The following SIX1 variants were observed in gnomAD, a reference collection of about 807,000 sequenced individuals.
SIX1 encodes the protein homeobox protein SIX1.
SIX1 carries 11 observed loss-of-function variants against 26.5 expected under a neutral mutation model. That is an observed-to-expected ratio of 0.41 (90% CI 0.26 to 0.69). The LOEUF (loss-of-function observed/expected upper bound fraction) is 0.69, where lower values mean the gene tolerates loss of function less well. Among genes scored for constraint, SIX1 ranks in the 30% least tolerant of loss-of-function variants. SIX1 has a pLI of 0.28. For synonymous variants in SIX1, 177 were observed against 166.2 expected, an observed-to-expected ratio of 1.06 and a Z score of -0.50; for missense variants, 333 against 365.9, an observed-to-expected ratio of 0.91 and a Z score of 0.73.
In SIX1 at chr14:60,648,407, C is replaced by T. The variant is rs886478378; in HGVS notation, c.560+223G>A. Among the ~76,000 whole-genome samples the T allele has an allele frequency of 1.3e-5, 2 of 152,240 alleles. No homozygotes were observed. The highest frequency in any genetic ancestry group is 2.9e-5 in the Non-Finnish European group (2 of 68,046). On this transcript the variant is annotated intron_variant, in intron 1 of 1. Coordinates refer to ENST00000645694, the MANE Select transcript of SIX1 (RefSeq NM_005982.4). The surrounding 1 kb of genome is among the most constrained non-coding windows in gnomAD (Gnocchi z 7.9). ...CCCGACACTCACATCCCAGAGAAAC[C>T]CACGCGCGGGTGCTCAAAGCAAATG...
At chr14:60,646,725 T>G in intron 1 of SIX1, 148 bp from the exon 2 acceptor site, 148 of 675,954 alleles carry the variant, frequency 2.2e-4, no homozygotes, top group Middle Eastern at 4.2e-4. Flanking sequence ...GGAGGAGCTC[T>G]ACCCTTCCAC....
chr14:60,646,238 G>T lies in SIX1; in HGVS notation c.*45C>A. The T allele has an allele frequency of 6.3e-7, 1 of 1,589,122 alleles. No individual in the cohort carries two copies. The highest frequency in any genetic ancestry group is 1.1e-5 in the South Asian group (1 of 89,778). ...TACAAGTGTCCCTAGTCGCTGCAGT[G>T]GTTGCTGCTCCAGGAATCCCTTCGA... On this transcript the variant is annotated 3_prime_UTR_variant, in exon 2 of 2. Transcript: ENST00000645694.
In SIX1 at chr14:60,647,767, G is replaced by A. The variant is rs1023584643; in HGVS notation, c.560+863C>T. 1.3e-5 allele frequency among the ~76,000 whole-genome samples: 2 copies of A among 152,246 alleles called. No individual in the cohort carries two copies. Among genetic ancestry groups the A allele is most frequent in the African/African-American group, 4.8e-5 (2 of 41,470 alleles). ...ACAGCCACCTCCCCACCGTCCTTCTGAATCTCTGTCCGAAACGCTATAGAG... is the reference window on the plus strand; with the variant it reads ...ACAGCCACCTCCCCACCGTCCTTCTAAATCTCTGTCCGAAACGCTATAGAG... On this transcript the variant is annotated intron_variant, in intron 1 of 1. Coordinates refer to ENST00000645694, the MANE Select transcript of SIX1 (RefSeq NM_005982.4). The surrounding 1 kb of genome is among the most constrained non-coding windows in gnomAD (Gnocchi z 5.1).
At position 60,645,963 on chromosome 14, in the gene SIX1, CG is replaced by C. The variant is rs1206089028; in HGVS notation, c.*319del. ...AAAAAAGAAAGGCTGCTGAAACAGG[CG>C]TATCAGTTGCCCAGAACTCAGACTG... On this transcript the variant is annotated 3_prime_UTR_variant, in exon 2 of 2. Coordinates refer to ENST00000645694, the MANE Select transcript of SIX1 (RefSeq NM_005982.4). The surrounding 1 kb of genome is among the most constrained non-coding windows in gnomAD (Gnocchi z 4.6). The C allele has an allele frequency of 1.1e-5, 2 of 183,636 alleles. No individual in the cohort carries two copies. Among genetic ancestry groups the C allele is most frequent in the Non-Finnish European group, 2.2e-5 (2 of 90,422 alleles). The allele number at this position is 183,636 out of a possible 1,614,324, so 11.4% of individuals were successfully genotyped here. A position where few individuals can be genotyped will look rare whatever the true frequency, so the allele number is the denominator to read the frequency against.
Position 60,649,278 on chromosome 14 carries a change from C to G in SIX1, c.-89G>C. 1 of 1,221,058 alleles carries G rather than the reference C, an allele frequency of 8.2e-7. No individual in the cohort carries two copies. The highest frequency in any genetic ancestry group is 1.3e-5 in the South Asian group (1 of 75,676). 75.6% of individuals were successfully genotyped at this position (1,221,058 alleles called of 1,614,324 possible). ...GGGGCGGCGGCCGCAGGGAGGGGGG[C>G]GCGGCTGTTCCTAACCTCCTCCTTA... On this transcript the variant is annotated 5_prime_UTR_variant, in exon 1 of 2. Coordinates refer to ENST00000645694, the MANE Select transcript of SIX1 (RefSeq NM_005982.4). This position sits in a 1 kb window ranked among gnomAD's most constrained non-coding sequence, Gnocchi z 5.1.
At position 60,646,210 on chromosome 14, in the gene SIX1, A is replaced by G. The variant is rs1894937368; in HGVS notation, c.*73T>C. On this transcript the variant is annotated 3_prime_UTR_variant, in exon 2 of 2. Coordinates refer to ENST00000645694, the MANE Select transcript of SIX1 (RefSeq NM_005982.4). The stretch of plus-strand genomic sequence containing the variant: ...AGCTGCAAAAATGTTCCTGATTTCT[A>G]TTTACAAGTGTCCCTAGTCGCTGCA... 2.1e-6 allele frequency: 3 copies of G among 1,436,826 alleles called. No individual in the cohort carries two copies. The highest frequency in any genetic ancestry group is 2.0e-5 in the Admixed American group (1 of 49,528). 89.0% of individuals were successfully genotyped at this position (1,436,826 alleles called of 1,614,324 possible). A position where few individuals can be genotyped will look rare whatever the true frequency, so the allele number is the denominator to read the frequency against.
rs1332382694 is a variant in SIX1, at chr14:60,649,437, G to A, written c.-248C>T. On this transcript the variant is annotated 5_prime_UTR_variant, in exon 1 of 2. Transcript: ENST00000645694. This position sits in a 1 kb window ranked among gnomAD's most constrained non-coding sequence, Gnocchi z 5.1. ...TAGCCTTTAAGGCCTTGCTGCCTCC[G>A]ACCTCCCGCCCGGTGGATGCTGCTA... The A allele has an allele frequency of 1.8e-5, 8 of 441,756 alleles. No individual in the cohort carries two copies. Among genetic ancestry groups the A allele is most frequent in the Non-Finnish European group, 2.8e-5 (7 of 249,942 alleles). The allele number at this position is 441,756 out of a possible 1,614,324, so 27.4% of individuals were successfully genotyped here. A position where few individuals can be genotyped will look rare whatever the true frequency, so the allele number is the denominator to read the frequency against.
At position 60,646,262 on chromosome 14, in the gene SIX1, G is replaced by C. The variant is rs1362945865; in HGVS notation, c.*21C>G. On this transcript the variant is annotated 3_prime_UTR_variant, in exon 2 of 2. Coordinates refer to ENST00000645694, the MANE Select transcript of SIX1 (RefSeq NM_005982.4). ...TGGTTGCTGCTCCAGGAATCCCTTCGAGGCCCCAGTCCCTCCCCACTTAGG... is the reference window on the plus strand; with the variant it reads ...TGGTTGCTGCTCCAGGAATCCCTTCCAGGCCCCAGTCCCTCCCCACTTAGG... The C allele has an allele frequency of 2.9e-5, 47 of 1,607,790 alleles. No homozygotes were observed. The highest frequency in any genetic ancestry group is 3.7e-5 in the Non-Finnish European group (44 of 1,176,718).
In SIX1 at chr14:60,644,765, G is replaced by A. The variant is rs547309317; in HGVS notation, c.*1518C>T. ...TCACTAATTTTAAAAGCTAAATACA[G>A]AAGATACATCATTTTGCCCCAGGCA... On this transcript the variant is annotated 3_prime_UTR_variant, in exon 2 of 2. Transcript: ENST00000645694. 6.6e-6 allele frequency: 1 copy of A among 152,274 alleles called. No homozygotes were observed. The highest frequency in any genetic ancestry group is 1.9e-4 in the East Asian group (1 of 5,186). The allele number at this position is 152,274 out of a possible 1,614,324, so 9.4% of individuals were successfully genotyped here. A position where few individuals can be genotyped will look rare whatever the true frequency, so the allele number is the denominator to read the frequency against.
At position 60,648,918 on chromosome 14, in the gene SIX1, T is replaced by A. The variant is rs1895005983; in HGVS notation, c.272A>T (p.His91Leu). The change falls in exon 1 of 2, where the codon CAT becomes CTT. Residue 91 changes from histidine to leucine, a missense_variant. Transcript: ENST00000645694. This position sits in a 1 kb window ranked among gnomAD's most constrained non-coding sequence, Gnocchi z 7.9. ...GCGCAGCTTCTCGGCCTCCACGTAA[T>A]GCGCCTTCAGCCACAGTTGCTGCAG... ...PKLQQLWLKA[H>L]YVEAEKLRGR... The A allele has an allele frequency of 6.2e-7, 1 of 1,614,076 alleles. No homozygotes were observed. The highest frequency in any genetic ancestry group is 1.3e-5 in the African/African-American group (1 of 74,950).
At position 60,646,175 on chromosome 14, in the gene SIX1, T is replaced by C; in HGVS notation, c.*108A>G. On this transcript the variant is annotated 3_prime_UTR_variant, in exon 2 of 2. Transcript: ENST00000645694. ...CACCATTCCTTTATGCGCAAACAAC[T>C]CCAGAAACAAGCTGCAAAAATGTTC... The C allele has an allele frequency of 9.2e-7, 1 of 1,091,598 alleles. No homozygotes were observed. Among genetic ancestry groups the C allele is most frequent in the Non-Finnish European group, 1.3e-6 (1 of 765,094 alleles). 67.6% of individuals were successfully genotyped at this position (1,091,598 alleles called of 1,614,324 possible).
Position 60,648,573 on chromosome 14 carries a change from G to T in SIX1, c.560+57C>A. 1 of 1,516,842 alleles carries T rather than the reference G, an allele frequency of 6.6e-7. No homozygotes were observed. The highest frequency in any genetic ancestry group is 9.0e-7 in the Non-Finnish European group (1 of 1,116,840). The allele number at this position is 1,516,842 out of a possible 1,614,324, so 94.0% of individuals were successfully genotyped here. ...GGTGCCTGCGGGGGCGGGAGGGGGCGGAGGAGAAAGGACGGCTTCCTAGGG... is the reference window on the plus strand; with the variant it reads ...GGTGCCTGCGGGGGCGGGAGGGGGCTGAGGAGAAAGGACGGCTTCCTAGGG... On this transcript the variant is annotated intron_variant, in intron 1 of 1. Transcript: ENST00000645694. The surrounding 1 kb of genome is among the most constrained non-coding windows in gnomAD (Gnocchi z 7.9).
In SIX1 at chr14:60,644,076, G is replaced by A. The variant is rs1375736475; in HGVS notation, c.*2207C>T. On this transcript the variant is annotated 3_prime_UTR_variant, in exon 2 of 2. Transcript: ENST00000645694. ...GGTAGTCACCGGAGTAGGAAGAGACGGCATGTAAGAAATTAAAGTAATTGG... is the reference window on the plus strand; with the variant it reads ...GGTAGTCACCGGAGTAGGAAGAGACAGCATGTAAGAAATTAAAGTAATTGG... 6.6e-6 allele frequency: 1 copy of A among 152,150 alleles called. No individual in the cohort carries two copies. Among genetic ancestry groups the A allele is most frequent in the East Asian group, 1.9e-4 (1 of 5,198 alleles). The allele number at this position is 152,150 out of a possible 1,614,324, so 9.4% of individuals were successfully genotyped here.
Position 60,649,309 on chromosome 14 carries a change from TG to T in SIX1, c.-121del, listed in dbSNP as rs564171668. On this transcript the variant is annotated 5_prime_UTR_variant, in exon 1 of 2. Transcript: ENST00000645694. The surrounding 1 kb of genome is among the most constrained non-coding windows in gnomAD (Gnocchi z 5.1). ...TGTTCCTAACCTCCTCCTTAGGCTTTGCAAAGGCGAAAACCGGAGTCGGAAC... is the reference window on the plus strand; with the variant it reads ...TGTTCCTAACCTCCTCCTTAGGCTTTCAAAGGCGAAAACCGGAGTCGGAAC... 8.5e-5 allele frequency: 73 copies of T among 858,160 alleles called. No individual in the cohort carries two copies. The South Asian group carries it at 1.2e-3, about 14-fold the overall frequency. The allele number at this position is 858,160 out of a possible 1,614,324, so 53.2% of individuals were successfully genotyped here. A position where few individuals can be genotyped will look rare whatever the true frequency, so the allele number is the denominator to read the frequency against.
rs942736518 is a variant in SIX1 at position 60,647,690 on chromosome 14, G to A, written c.560+940C>T. Among the ~76,000 whole-genome samples, 5 of 151,890 alleles carry A rather than the reference G, an allele frequency of 3.3e-5. No individual in the cohort carries two copies. The highest frequency in any genetic ancestry group is 7.4e-5 in the Non-Finnish European group (5 of 67,994). ...ACAAAGGAAAACCTAACCGGCCCCT[G>A]CGCTCAGGTTTTCCCCCAAACTCTT... On this transcript the variant is annotated intron_variant, in intron 1 of 1. Coordinates refer to ENST00000645694, the MANE Select transcript of SIX1 (RefSeq NM_005982.4). The surrounding 1 kb of genome is among the most constrained non-coding windows in gnomAD (Gnocchi z 5.1).
chr14:60,646,912 C>A (rs1158886133), intron 1 of SIX1, among the ~76,000 whole-genome samples: 1 of 152,136 alleles, frequency 6.6e-6, no homozygotes, highest in Non-Finnish European at 1.5e-5. Flanking sequence ...TTTGTTCAAG[C>A]AGTTACATTT....
chr14:60,649,301 T>C lies in SIX1; in HGVS notation c.-112A>G. 1 of 945,278 alleles carries C rather than the reference T, an allele frequency of 1.1e-6. No homozygotes were observed. Among genetic ancestry groups the C allele is most frequent in the Non-Finnish European group, 1.6e-6 (1 of 637,512 alleles). The allele number at this position is 945,278 out of a possible 1,614,324, so 58.6% of individuals were successfully genotyped here. Reference sequence around the variant, plus strand: ...GGCGCGGCTGTTCCTAACCTCCTCCTTAGGCTTTGCAAAGGCGAAAACCGG... The same window carrying C: ...GGCGCGGCTGTTCCTAACCTCCTCCCTAGGCTTTGCAAAGGCGAAAACCGG... On this transcript the variant is annotated 5_prime_UTR_variant, in exon 1 of 2. Coordinates refer to ENST00000645694, the MANE Select transcript of SIX1 (RefSeq NM_005982.4). The surrounding 1 kb of genome is among the most constrained non-coding windows in gnomAD (Gnocchi z 5.1).
rs1264219816 is a variant in SIX1, at chr14:60,648,652, G to A, written c.538C>T (p.Arg180Trp). Residue 180 changes from arginine to tryptophan, a missense_variant, in exon 1 of 2, where the codon CGG (arginine) becomes TGG (tryptophan). Arg to Trp is a moderately radical substitution (Grantham distance 101, BLOSUM62 -3). Coordinates refer to ENST00000645694, the MANE Select transcript of SIX1 (RefSeq NM_005982.4). This position sits in a 1 kb window ranked among gnomAD's most constrained non-coding sequence, Gnocchi z 7.9. Reference sequence around the variant, plus strand: ...TACCTTTCCTTGGCCTCCGCGGCCCGGTCTCTTTGCCTCCGGTTCTTAAAC... The same window carrying A: ...TACCTTTCCTTGGCCTCCGCGGCCCAGTCTCTTTGCCTCCGGTTCTTAAAC... Reference protein sequence around the residue: ...NWFKNRRQRDRAAEAKERENT... With the variant: ...NWFKNRRQRDWAAEAKERENT... 1 of 1,613,720 alleles carries A rather than the reference G, an allele frequency of 6.2e-7. No homozygotes were observed. Among genetic ancestry groups the A allele is most frequent in the African/African-American group, 1.3e-5 (1 of 74,936 alleles).
Position 60,647,547 on chromosome 14 carries a change from C to T in SIX1, c.561-970G>A, listed in dbSNP as rs986099581. Among the ~76,000 whole-genome samples the T allele has an allele frequency of 6.6e-6, 1 of 152,244 alleles. No individual in the cohort carries two copies. The highest frequency in any genetic ancestry group is 2.1e-4 in the South Asian group (1 of 4,832). On this transcript the variant is annotated intron_variant, in intron 1 of 1. Transcript: ENST00000645694. The surrounding 1 kb of genome is among the most constrained non-coding windows in gnomAD (Gnocchi z 5.1). Reference sequence around the variant, plus strand: ...CGCCTGTCTGTCTCCTTTCTTTCCCCTTATCCTCACAGTCTCTGTCTCCCG... The same window carrying T: ...CGCCTGTCTGTCTCCTTTCTTTCCCTTTATCCTCACAGTCTCTGTCTCCCG...
Sources: allele counts gnomAD v4.1 joint callset (sites outside exome capture counted in the v4.1 genomes callset), GRCh38; gene constraint gnomAD v4.1.1; non-coding constraint Gnocchi (gnomAD v3.1); transcripts MANE v1.5; gene names NCBI Gene and HGNC (gene_info 2026-07-23, HGNC 2026-07-21).